Variants in AGAP3 observed in about 807,000 individuals in gnomAD.
AGAP3 encodes the protein arf-GAP with GTPase, ANK repeat and PH domain-containing protein 3.
In AGAP3, 24 loss-of-function variants were observed where a neutral mutation model predicts 96.9. The ratio of observed to expected loss-of-function variants is 0.25; its 90% CI spans 0.18 to 0.35. The LOEUF is 0.35. Ranked by LOEUF, AGAP3 falls within the 10% of genes least tolerant of loss-of-function variation. The pLI is 1.00. For missense variants in AGAP3, 876 were observed against 1,254.2 expected (o/e 0.70, Z 4.55); for synonymous variants, 563 against 536.1 (o/e 1.05, Z -0.69).
chr7:151,105,778 C>T (rs1175734495), intron 1 of AGAP3, among the ~76,000 whole-genome samples: 2 of 51,468 alleles, frequency 3.9e-5, no homozygotes, highest in Non-Finnish European at 6.8e-5. Context: ...TCCATTCCGC[C>T]CCCCCCCCCG....
intron 4 of AGAP3, 27 bp from the exon 5 acceptor site, chr7:151,117,609 G>A: frequency 6.2e-7 from 1 of 1,613,150 alleles, no homozygotes; most frequent in Admixed American, 1.7e-5. Context: ...CCAGTTGCGG[G>A]TGCTAATTTT....
Position 151,140,275 on chromosome 7 carries a change from A to AT in AGAP3, c.1804+160dup, listed in dbSNP as rs1332244118. ...AGTAGTTCTACAGCTTCTTTTGGTA[A>AT]TCTAGACCTGGTATCTTAGAAAAGT... is the stretch of plus-strand genomic sequence containing the variant. On this transcript the variant is annotated intron_variant, in intron 13 of 17. Coordinates refer to ENST00000397238, the MANE Select transcript of AGAP3 (RefSeq NM_031946.7). The surrounding 1 kb of genome is among the most constrained non-coding windows in gnomAD (Gnocchi z 5.4). 2.8e-4 allele frequency: 230 copies of AT among 822,396 alleles called. 2 individuals are homozygous for AT. The East Asian group carries it at 6.6e-3, about 24-fold the overall frequency. The allele number at this position is 822,396 out of a possible 1,614,324, so 50.9% of individuals were successfully genotyped here.
intron 1 of AGAP3, among the ~76,000 whole-genome samples, chr7:151,106,036 C>A (rs1212233634): frequency 1.3e-5 from 2 of 152,024 alleles, no homozygotes; most frequent in Non-Finnish European, 2.9e-5. Context: ...CTACTTGTAG[C>A]ACCCAATATT....
chr7:151,143,298 G>T lies in AGAP3; in HGVS notation c.2274-43G>T, dbSNP rs1302658972. 2 of 1,562,492 alleles carry T rather than the reference G, an allele frequency of 1.3e-6. No homozygotes were observed. Among genetic ancestry groups the T allele is most frequent in the Admixed American group, 3.7e-5 (2 of 54,100 alleles). On this transcript the variant is annotated intron_variant, in intron 16 of 17. Coordinates refer to ENST00000397238, the MANE Select transcript of AGAP3 (RefSeq NM_031946.7). The surrounding 1 kb of genome is among the most constrained non-coding windows in gnomAD (Gnocchi z 5.9). ...CCTTCCTGGCCCCACCCGTTGCTCG[G>T]TGACCTTCCTTGGCTCATGCCCTGA...
intron 1 of AGAP3, among the ~76,000 whole-genome samples, chr7:151,095,554 C>A (rs1393193233): frequency 6.6e-6 from 1 of 151,982 alleles, no homozygotes; most frequent in African/African-American, 2.4e-5. Context: ...AAGTCTAGAC[C>A]CCTCCAGGGA....
intron 1 of AGAP3, among the ~76,000 whole-genome samples, chr7:151,102,478 A>G (rs1461868334): frequency 6.6e-6 from 1 of 151,882 alleles, no homozygotes; most frequent in Non-Finnish European, 1.5e-5. Flanking sequence ...CTCAGAAAGA[A>G]TGGTAGTGTG....
At chr7:151,113,797 A>G (rs1197246925) in intron 1 of AGAP3, among the ~76,000 whole-genome samples, 1 of 152,204 alleles carries the variant, frequency 6.6e-6, no homozygotes, top group Non-Finnish European at 1.5e-5. Flanking sequence ...CTTGCCTCCA[A>G]TTCTGGGTGA....
chr7:151,105,784 C>T (rs990166164), intron 1 of AGAP3, among the ~76,000 whole-genome samples: 1 of 47,200 alleles, frequency 2.1e-5, no homozygotes, highest in Non-Finnish European at 3.6e-5. Flanking sequence ...CCGCCCCCCC[C>T]CCCGACACCA....
intron 8 of AGAP3, chr7:151,120,525 G>A (rs1319671161): frequency 1.2e-6 from 1 of 841,176 alleles, no homozygotes; most frequent in South Asian, 1.4e-5. Context: ...AACAGCTAAT[G>A]AACCGGCGGC....
chr7:151,091,982 G>C (rs1456919331), intron 1 of AGAP3, among the ~76,000 whole-genome samples: 2 of 152,032 alleles, frequency 1.3e-5, no homozygotes, highest in African/African-American at 2.4e-5. Flanking sequence ...GGACTCTGCA[G>C]CTCGGGTGTT....
chr7:151,104,964 G>A (rs1011210683), intron 1 of AGAP3, among the ~76,000 whole-genome samples: 12 of 152,220 alleles, frequency 7.9e-5, no homozygotes, highest in Admixed American at 3.9e-4. Flanking sequence ...GGTGCCCCTG[G>A]CGGGGCGGTT....
rs189228370 is a variant in AGAP3 at position 151,107,352 on chromosome 7, G to C, written c.332-9441G>C. ...AGTTTTTGCTTTTGGGGCCAGGCAC[G>C]ATGGCTCATGCCTGTAATCCCAGTA... On this transcript the variant is annotated intron_variant, in intron 1 of 17. Coordinates refer to ENST00000397238, the MANE Select transcript of AGAP3 (RefSeq NM_031946.7). Among the ~76,000 whole-genome samples, 317 of 150,118 alleles carry C rather than the reference G, an allele frequency of 2.1e-3. 1 individual carries two copies. Among genetic ancestry groups the C allele is most frequent in the African/African-American group, 7.3e-3 (294 of 40,512 alleles).
chr7:151,122,654 A>G, intron 8 of AGAP3: 1 of 1,592,288 alleles, frequency 6.3e-7, no homozygotes, highest in South Asian at 1.1e-5. Flanking sequence ...CTCTGCCCTC[A>G]CCGGTGCTGA....
intron 7 of AGAP3, among the ~76,000 whole-genome samples, chr7:151,119,410 C>G (rs1799758794): frequency 6.6e-6 from 1 of 152,216 alleles, no homozygotes; most frequent in Non-Finnish European, 1.5e-5. Flanking sequence ...TTTTCTCTTT[C>G]TTTCCCTTCT....
chr7:151,130,807 T>G (rs1456281371), intron 10 of AGAP3, among the ~76,000 whole-genome samples: 6 of 151,824 alleles, frequency 4.0e-5, no homozygotes, highest in Admixed American at 1.3e-4. Context: ...TCACTTTATG[T>G]CACGCCGCCA....
chr7:151,090,527 TG>T (rs1183461619), intron 1 of AGAP3: 7 of 152,252 alleles, frequency 4.6e-5, no homozygotes, highest in African/African-American at 1.4e-4. Context: ...GTGGGCTTGG[TG>T]ACATCCTAAA....
chr7:151,109,600 G>A (rs189927995), intron 1 of AGAP3, among the ~76,000 whole-genome samples: 2 of 152,290 alleles, frequency 1.3e-5, no homozygotes, highest in Non-Finnish European at 2.9e-5. Flanking sequence ...ACTCAAGTAT[G>A]ACCTCATCTT....
Position 151,117,151 on chromosome 7 carries a change from G to C in AGAP3, c.447G>C (p.Thr149=), listed in dbSNP as rs752093932. ...CAGCCCTGGTGCACCGCTATCTGACGGGGACCTATGTCCAGGAGGAGTCCC... is the reference window on the plus strand; with the variant it reads ...CAGCCCTGGTGCACCGCTATCTGACCGGGACCTATGTCCAGGAGGAGTCCC... ...GKSALVHRYL[T]GTYVQEESPE... is the part of the protein sequence containing the mutation. The change falls in exon 3 of 18, where the codon ACG becomes ACC. Residue 149 remains threonine (T), a synonymous_variant. Transcript: ENST00000397238. 2 of 1,613,976 alleles carry C rather than the reference G, an allele frequency of 1.2e-6. No individual in the cohort carries two copies. The highest frequency in any genetic ancestry group is 1.3e-5 in the African/African-American group (1 of 74,926).
intron 9 of AGAP3, among the ~76,000 whole-genome samples, chr7:151,125,631 G>T (rs927970510): frequency 6.6e-6 from 1 of 151,930 alleles, no homozygotes. Context: ...TCTTCTTCCA[G>T]CCTGGTGGCC....
Sources: allele counts gnomAD v4.1 joint callset (sites outside exome capture counted in the v4.1 genomes callset), GRCh38; gene constraint gnomAD v4.1.1; non-coding constraint Gnocchi (gnomAD v3.1); transcripts MANE v1.5; gene names NCBI Gene and HGNC (gene_info 2026-07-23, HGNC 2026-07-21).